Variants in MDN1 observed in about 807,000 individuals in gnomAD.
MDN1 encodes midasin AAA ATPase 1.
MDN1 carries 266 observed loss-of-function variants against 669.2 expected under a neutral mutation model. The ratio of observed to expected loss-of-function variants is 0.40; its 90% CI spans 0.36 to 0.44. The LOEUF is 0.44. Ranked by LOEUF, MDN1 falls within the 20% of genes least tolerant of loss-of-function variation. The probability of loss-of-function intolerance (pLI) is 1.00; values close to 1 mark genes in which losing one functional copy is unlikely to be tolerated. For missense variants in MDN1, 5,940 were observed against 6,754.0 expected (o/e 0.88, Z 4.22); for synonymous variants, 2,385 against 2,457.1 (o/e 0.97, Z 0.87).
rs1238880049 is a variant in MDN1, at chr6:89,654,347, C to A, written c.15491-13G>T. 6 of 1,613,466 alleles carry A rather than the reference C, an allele frequency of 3.7e-6. No individual in the cohort carries two copies. The Admixed American group carries it at 1.0e-4, about 27-fold the overall frequency. ...TTGCTGGCCACATCTGTCAACAAAG[C>A]ACGCACCCACACATAAAAATCCTAG... On this transcript the variant is annotated splice_polypyrimidine_tract_variant and intron_variant, in intron 92 of 101. Coordinates refer to ENST00000369393, the MANE Select transcript of MDN1 (RefSeq NM_014611.3).
intron 21 of MDN1, 138 bp downstream of exon 21, chr6:89,753,945 G>T: frequency 1.4e-6 from 1 of 718,918 alleles, no homozygotes; most frequent in Non-Finnish European, 2.0e-6. Context: ...AAAGGGCAAG[G>T]TAAATCTGGT....
intron 92 of MDN1, among the ~76,000 whole-genome samples, chr6:89,655,258 A>T (rs921156340): frequency 6.6e-6 from 1 of 152,180 alleles, no homozygotes; most frequent in Non-Finnish European, 1.5e-5. Context: ...GGGGAGACTG[A>T]CCAATGACCT....
chr6:89,815,061 G>T (rs1460367218), intron 1 of MDN1: 8 of 480,198 alleles, frequency 1.7e-5, no homozygotes, highest in African/African-American at 6.0e-5. Context: ...AAAAGGGAGA[G>T]CAGTGTCTCC....
At chr6:89,769,065 A>G (rs1398749749) in intron 15 of MDN1, among the ~76,000 whole-genome samples, 5 of 152,168 alleles carry the variant, frequency 3.3e-5, no homozygotes, top group East Asian at 1.9e-4. Context: ...AAGAAAAAAA[A>G]AAAGATCCGA....
chr6:89,754,411 A>G (rs1180705408), intron 20 of MDN1, among the ~76,000 whole-genome samples, 181 bp from the exon 21 acceptor site: 2 of 152,218 alleles, frequency 1.3e-5, no homozygotes, highest in Non-Finnish European at 1.5e-5. Context: ...ACTCAGAGAT[A>G]TCTTTCAAAA....
chr6:89,690,224 C>A, intron 64 of MDN1, 81 bp from the exon 65 acceptor site: 1 of 1,431,932 alleles, frequency 7.0e-7, no homozygotes, highest in South Asian at 1.3e-5. Flanking sequence ...AAGAAAAAAG[C>A]ATAAGAATGA....
At chr6:89,708,412 A>G (rs1813663553) in intron 51 of MDN1, 84 bp downstream of exon 51, 2 of 1,512,422 alleles carry the variant, frequency 1.3e-6, no homozygotes, top group Non-Finnish European at 1.8e-6. Context: ...CAACACACAT[A>G]AGCTATTTGA....
Position 89,658,611 on chromosome 6 carries a change from T to C in MDN1, c.15020A>G (p.Gln5007Arg). The C allele has an allele frequency of 6.2e-7, 1 of 1,605,648 alleles. No individual in the cohort carries two copies. ...NGPADQGFQP[Q>R]EEEEREDSDT... ...AAAAAGCCAGACATCTCATGATACC[T>C]GGGGCTGGAAACCTTGGTCAGCAGG... is the stretch of plus-strand genomic sequence containing the variant. Residue 5007 changes from glutamine (Q) to arginine (R), a missense_variant and splice_region_variant, in exon 89 of 102, where the codon CAG becomes CGG. Physicochemically the swap from Gln to Arg is conservative, Grantham distance 43. This residue lies in a region of MDN1 where 2,280 missense variants were observed against 2,576.3 expected (regional missense o/e 0.88). Coordinates refer to ENST00000369393, the MANE Select transcript of MDN1 (RefSeq NM_014611.3).
At chr6:89,705,289 T>C (rs1167746781) in intron 53 of MDN1, among the ~76,000 whole-genome samples, 2 of 152,244 alleles carry the variant, frequency 1.3e-5, no homozygotes, top group Non-Finnish European at 2.9e-5. Context: ...TCAGATTCAG[T>C]TCTTAATATG....
chr6:89,799,869 C>A (rs571123979), intron 2 of MDN1, among the ~76,000 whole-genome samples: 1 of 152,138 alleles, frequency 6.6e-6, no homozygotes, highest in Admixed American at 6.5e-5. Flanking sequence ...TTGTAATTTC[C>A]GATGCAGTAA....
At chr6:89,717,561 T>C (rs949991080) in intron 43 of MDN1, among the ~76,000 whole-genome samples, 2 of 152,184 alleles carry the variant, frequency 1.3e-5, no homozygotes, top group African/African-American at 4.8e-5. Context: ...CATAACTCAA[T>C]GGTGAGTTTT....
intron 44 of MDN1, 28 bp from the exon 45 acceptor site, chr6:89,715,797 T>A: frequency 7.1e-7 from 1 of 1,411,448 alleles, no homozygotes; most frequent in Non-Finnish European, 1.0e-6. Context: ...AGATGGTGGA[T>A]AGGCTGACAT....
chr6:89,801,141 A>C (rs556333837), intron 2 of MDN1, among the ~76,000 whole-genome samples: 1 of 152,248 alleles, frequency 6.6e-6, no homozygotes, highest in Non-Finnish European at 1.5e-5. Context: ...CATGTCTGTA[A>C]TCCCAGCACT....
chr6:89,690,246 A>C, intron 64 of MDN1, 103 bp from the exon 65 acceptor site: 1 of 1,194,172 alleles, frequency 8.4e-7, no homozygotes, highest in Non-Finnish European at 1.2e-6. Context: ...TGAAAAAATG[A>C]AATAGGACTA....
At chr6:89,819,459 G>A (rs775516804) in intron 1 of MDN1, 47 bp downstream of exon 1, 1 of 1,541,666 alleles carries the variant, frequency 6.5e-7, no homozygotes, top group Non-Finnish European at 8.9e-7. Flanking sequence ...CTTACTAGTG[G>A]GGCGACCCAG....
intron 15 of MDN1, among the ~76,000 whole-genome samples, chr6:89,766,956 G>A (rs1318839748): frequency 6.6e-6 from 1 of 152,072 alleles, no homozygotes; most frequent in Non-Finnish European, 1.5e-5. Context: ...AGCTCTCCAG[G>A]GTAACCGGTC....
rs775756670 is a variant in MDN1, at chr6:89,772,642, G to T, written c.2014C>A (p.Pro672Thr). The T allele has an allele frequency of 5.6e-6, 9 of 1,613,974 alleles. No individual in the cohort carries two copies. The African/African-American group carries it at 9.3e-5, about 17-fold the overall frequency. ...CCGGTCTCTCCCACCAGCAACACAG[G>T]CTCCCCTTTGCTGACACACACTGCA... ...QLAVCVSKGE[P>T]VLLVGETGTG... The change falls in exon 14 of 102, where the codon CCT becomes ACT. Residue 672 changes from proline (P) to threonine (T), a missense_variant. Physicochemically the swap from Pro to Thr is conservative, Grantham distance 38. This residue lies in a region of MDN1 where 1,203 missense variants were observed against 1,268.9 expected (regional missense o/e 0.95). Coordinates refer to ENST00000369393, the MANE Select transcript of MDN1 (RefSeq NM_014611.3).
chr6:89,716,546 A>G, intron 44 of MDN1, 104 bp downstream of exon 44: 1 of 1,345,704 alleles, frequency 7.4e-7, no homozygotes, highest in Non-Finnish European at 1.0e-6. Context: ...CGTAATTAAG[A>G]AAAACAGTAG....
At chr6:89,806,769 T>C (rs1307972177) in intron 1 of MDN1, among the ~76,000 whole-genome samples, 1 of 151,874 alleles carries the variant, frequency 6.6e-6, no homozygotes, top group African/African-American at 2.4e-5. Flanking sequence ...TTTTTTTTTT[T>C]TAATTAGCTG....
Sources: gnomAD v4.1 joint callset for allele counts (sites outside exome capture counted in the v4.1 genomes callset) on GRCh38, gnomAD v4.1.1 for gene constraint, gnomAD v4.1.1 regional missense constraint, MANE v1.5 for transcripts, NCBI Gene and HGNC (gene_info 2026-07-23, HGNC 2026-07-21) for gene names.